ABCA1: variants seen among roughly 807,000 people sequenced by gnomAD.
ABCA1 encodes the protein phospholipid-transporting ATPase ABCA1.
ABCA1 carries 133 observed loss-of-function variants against 262.5 expected under a neutral mutation model. The observed-to-expected ratio is 0.51, with a 90% CI of 0.44 to 0.59. ABCA1 has a LOEUF of 0.59. Among genes scored for constraint, ABCA1 ranks in the 20% least tolerant of loss-of-function variants. ABCA1 has a pLI of 0.00. For missense variants in ABCA1, 2,452 were observed against 2,777.5 expected (o/e 0.88, Z 2.63); for synonymous variants, 1,022 against 1,043.5 (o/e 0.98, Z 0.40).
At chr9:104,904,787 A>G (rs1840971601) in intron 1 of ABCA1, among the ~76,000 whole-genome samples, 1 of 152,092 alleles carries the variant, frequency 6.6e-6, no homozygotes, top group African/African-American at 2.4e-5. Flanking sequence ...AAACCGACAA[A>G]CAAGCTCCCA....
chr9:104,868,416 A>T lies in ABCA1; in HGVS notation c.422-6616T>A, dbSNP rs185259583. On this transcript the variant is annotated intron_variant, in intron 5 of 49. Transcript: ENST00000374736. ...TCACAGGTTGTTGTGCAAACCAAAG[A>T]TCAAGAACGTGAACGTGCTGTTTCA... Among the ~76,000 whole-genome samples, 14 of 152,338 alleles carry T rather than the reference A, an allele frequency of 9.2e-5. No homozygotes were observed. The East Asian group carries it at 2.7e-3, about 29-fold the overall frequency.
At chr9:104,855,097 G>C (rs1835725455) in intron 7 of ABCA1, 1 of 952,742 alleles carries the variant, frequency 1.0e-6, no homozygotes, top group Admixed American at 6.2e-5. Flanking sequence ...GAAAAGTCTT[G>C]ACAATATCTG....
At chr9:104,809,963 T>TAA (rs1467547193) in intron 29 of ABCA1, among the ~76,000 whole-genome samples, 2 of 152,032 alleles carry the variant, frequency 1.3e-5, no homozygotes, top group East Asian at 3.9e-4. Flanking sequence ...GAAAACTTTG[T>TAA]ACTCTTTGCA....
chr9:104,876,324 AG>A (rs1317797257), intron 5 of ABCA1, among the ~76,000 whole-genome samples: 1 of 152,212 alleles, frequency 6.6e-6, no homozygotes, highest in African/African-American at 2.4e-5. Flanking sequence ...GGAACTTCTC[AG>A]AGGGGATGTG....
At chr9:104,882,881 A>G (rs1054178306) in intron 5 of ABCA1, among the ~76,000 whole-genome samples, 158 bp downstream of exon 5, 9 of 152,126 alleles carry the variant, frequency 5.9e-5, no homozygotes, top group African/African-American at 2.2e-4. Context: ...TTCTTCACCA[A>G]TGCCTCCTGG....
chr9:104,914,715 C>T (rs141787110), intron 1 of ABCA1, among the ~76,000 whole-genome samples: 2 of 152,230 alleles, frequency 1.3e-5, no homozygotes, highest in African/African-American at 2.4e-5. Flanking sequence ...GGAAGTAAAA[C>T]CTCAGCGATA....
chr9:104,793,248 G>C lies in ABCA1; in HGVS notation c.5559C>G (p.Leu1853=). 1 of 1,614,138 alleles carries C rather than the reference G, an allele frequency of 6.2e-7. No individual in the cohort carries two copies. Among genetic ancestry groups the C allele is most frequent in the East Asian group, 2.2e-5 (1 of 44,866 alleles). ...CCACCCCTTCCACGGCCATGGCGAA[G>C]AGGTTTCGTCCCACCAAGTCCCAAG... ...PLSWDLVGRN[L]FAMAVEGVVF... is the part of the protein sequence containing the mutation. Residue 1853 remains leucine, a synonymous_variant, in exon 41 of 50, where the codon CTC becomes CTG. Coordinates refer to ENST00000374736, the MANE Select transcript of ABCA1 (RefSeq NM_005502.4).
chr9:104,883,187 C>A, intron 4 of ABCA1, 30 bp from the exon 5 acceptor site: 1 of 1,586,044 alleles, frequency 6.3e-7, no homozygotes, highest in Non-Finnish European at 8.7e-7. Flanking sequence ...AGGCGAAAGG[C>A]TTTAGCTAGG....
At chr9:104,806,772 A>C (rs1381611925) in intron 30 of ABCA1, among the ~76,000 whole-genome samples, 1 of 152,220 alleles carries the variant, frequency 6.6e-6, no homozygotes, top group Non-Finnish European at 1.5e-5. Flanking sequence ...GATGCTGTCC[A>C]GTATATTCGA....
intron 5 of ABCA1, among the ~76,000 whole-genome samples, chr9:104,866,145 G>A (rs561485492): frequency 1.5e-3 from 227 of 152,266 alleles, no homozygotes; most frequent in Non-Finnish European, 2.7e-3. Flanking sequence ...TGGTCATAAT[G>A]CTATGCACAT....
At chr9:104,835,611 C>A (rs537525547) in intron 11 of ABCA1, among the ~76,000 whole-genome samples, 75 of 152,264 alleles carry the variant, frequency 4.9e-4, no homozygotes, top group Non-Finnish European at 9.0e-4. Context: ...TCTACATCTC[C>A]CCTTGCCTGG....
intron 12 of ABCA1, among the ~76,000 whole-genome samples, 194 bp downstream of exon 12, chr9:104,832,380 T>C (rs1384496589): frequency 5.9e-5 from 9 of 152,234 alleles, no homozygotes; most frequent in Admixed American, 5.9e-4. Flanking sequence ...CTAGAGTTTA[T>C]TTACTCATTC....
intron 7 of ABCA1, among the ~76,000 whole-genome samples, chr9:104,846,516 A>C (rs1834904287): frequency 6.6e-6 from 1 of 152,208 alleles, no homozygotes; most frequent in Non-Finnish European, 1.5e-5. Flanking sequence ...TAGACTACAC[A>C]AGAAAATGTC....
chr9:104,827,608 G>A (rs1021632872), intron 15 of ABCA1, among the ~76,000 whole-genome samples: 2 of 152,150 alleles, frequency 1.3e-5, no homozygotes, highest in Non-Finnish European at 2.9e-5. Context: ...CATGGATTCT[G>A]CATTCCCACA....
chr9:104,888,271 T>C (rs894071202), intron 3 of ABCA1, among the ~76,000 whole-genome samples: 5 of 152,154 alleles, frequency 3.3e-5, no homozygotes, highest in Non-Finnish European at 5.9e-5. Context: ...TGGACTGAGC[T>C]GCTTAGTGGT....
At chr9:104,803,686 C>T (rs562683177) in intron 32 of ABCA1, among the ~76,000 whole-genome samples, 4 of 152,192 alleles carry the variant, frequency 2.6e-5, no homozygotes, top group East Asian at 3.9e-4. Flanking sequence ...CAGCTCACTG[C>T]AACCTCCGCC....
chr9:104,898,657 T>C (rs73504185), intron 2 of ABCA1, among the ~76,000 whole-genome samples: 2,202 of 152,192 alleles, frequency 0.014, 49 homozygotes, highest in African/African-American at 0.05. Context: ...TCATGTCTAC[T>C]ACCAACTCAT....
chr9:104,905,155 G>A (rs924764815), intron 1 of ABCA1, among the ~76,000 whole-genome samples: 25 of 152,194 alleles, frequency 1.6e-4, no homozygotes, highest in Non-Finnish European at 2.8e-4. Context: ...AATCACTGTG[G>A]CCTCTAGAGG....
chr9:104,897,281 T>G (rs944014738), intron 2 of ABCA1, among the ~76,000 whole-genome samples: 1 of 152,164 alleles, frequency 6.6e-6, no homozygotes, highest in African/African-American at 2.4e-5. Context: ...CAAAGTCTCA[T>G]GCATTGATGG....
Sources: gnomAD v4.1 joint callset for allele counts (sites outside exome capture counted in the v4.1 genomes callset) on GRCh38, gnomAD v4.1.1 for gene constraint, MANE v1.5 for transcripts, NCBI Gene and HGNC (gene_info 2026-07-23, HGNC 2026-07-21) for gene names.